The following SNAP91 variants were observed in gnomAD, a reference collection of about 807,000 sequenced individuals.
The protein encoded by SNAP91 is synaptosome associated protein 91.
Under a neutral mutation model 100.3 loss-of-function variants are expected in SNAP91, and 27 were observed. That is an observed-to-expected ratio of 0.27 (90% confidence interval 0.20 to 0.37). The LOEUF is 0.37. SNAP91 is among the 10% of genes least tolerant of loss of function. The pLI is 1.00. For synonymous variants in SNAP91, 404 were observed against 398.6 expected (o/e 1.01, Z -0.16); for missense variants, 986 against 1,123.7 (o/e 0.88, Z 1.75).
intron 21 of SNAP91, 127 bp downstream of exon 21, chr6:83,592,328 G>T: frequency 1.7e-6 from 1 of 578,894 alleles, no homozygotes; most frequent in East Asian, 3.0e-5. Flanking sequence ...AAAAACTTAA[G>T]TTTACATTTA....
intron 22 of SNAP91, 76 bp downstream of exon 22, chr6:83,591,135 T>C (rs2093689191): frequency 6.2e-6 from 6 of 966,170 alleles, no homozygotes; most frequent in Non-Finnish European, 8.1e-6. Context: ...CTGCAATTTA[T>C]GTAATTTTTA....
chr6:83,627,795 C>T (rs1266679915), intron 8 of SNAP91, among the ~76,000 whole-genome samples: 3 of 151,828 alleles, frequency 2.0e-5, no homozygotes, highest in Non-Finnish European at 2.9e-5. Flanking sequence ...TTCGAAGAAC[C>T]AATTTTTATT....
intron 8 of SNAP91, among the ~76,000 whole-genome samples, chr6:83,636,507 T>C (rs1458444607): frequency 1.3e-5 from 2 of 152,258 alleles, no homozygotes; most frequent in Admixed American, 6.5e-5. Context: ...AACTTTTCAA[T>C]TGTAGAAGTT....
chr6:83,651,263 A>G (rs2098192745), intron 7 of SNAP91, among the ~76,000 whole-genome samples: 1 of 151,740 alleles, frequency 6.6e-6, no homozygotes, highest in African/African-American at 2.4e-5. Context: ...TTACGCTCTA[A>G]TTCTTATTAT....
At chr6:83,698,536 G>T (rs1483253258) in intron 2 of SNAP91, among the ~76,000 whole-genome samples, 3 of 151,582 alleles carry the variant, frequency 2.0e-5, no homozygotes, top group South Asian at 2.1e-4. Context: ...TCCTCAAAGG[G>T]TTACTCCCTT....
chr6:83,656,964 T>A, intron 6 of SNAP91, 99 bp from the exon 7 acceptor site: 2 of 599,318 alleles, frequency 3.3e-6, no homozygotes, highest in Non-Finnish European at 5.8e-6. Context: ...AAGAAATTCA[T>A]GAATATTCTA....
chr6:83,697,330 A>ACACACG, intron 2 of SNAP91, among the ~76,000 whole-genome samples: 1 of 125,142 alleles, frequency 8.0e-6, no homozygotes, highest in Non-Finnish European at 1.7e-5. Context: ...AGCTGCACAC[A>ACACACG]CACACACACA....
Position 83,709,094 on chromosome 6 carries a change from C to T in SNAP91, c.-280G>A, listed in dbSNP as rs2099419021. The T allele has an allele frequency of 6.5e-6, 1 of 152,760 alleles. No homozygotes were observed. Among genetic ancestry groups the T allele is most frequent in the South Asian group, 2.1e-4 (1 of 4,862 alleles). 9.5% of individuals were successfully genotyped at this position (152,760 alleles called of 1,614,324 possible). On this transcript the variant is annotated 5_prime_UTR_variant, in exon 1 of 30. Transcript: ENST00000369694. ...GCGCCGCCGCGTCTCTCTAGCGCTC[C>T]GAGCTGCGTCCCCATCCCCGCCCCC...
intron 7 of SNAP91, among the ~76,000 whole-genome samples, chr6:83,654,276 G>C (rs957213756): frequency 6.6e-6 from 1 of 152,126 alleles, no homozygotes; most frequent in African/African-American, 2.4e-5. Context: ...GTATTTGTCT[G>C]TCTCTCCAAT....
At chr6:83,666,645 GA>G (rs1442226832) in intron 2 of SNAP91, among the ~76,000 whole-genome samples, 2 of 152,036 alleles carry the variant, frequency 1.3e-5, no homozygotes, top group Non-Finnish European at 2.9e-5. Context: ...TTCTACCACT[GA>G]AAAATATCTA....
chr6:83,684,489 A>G (rs1360839507), intron 2 of SNAP91, among the ~76,000 whole-genome samples: 1 of 152,120 alleles, frequency 6.6e-6, no homozygotes, highest in Non-Finnish European at 1.5e-5. Flanking sequence ...AATTCATCCT[A>G]GATGCTCATA....
At position 83,573,540 on chromosome 6, in the gene SNAP91, A is replaced by G. The variant is rs1374271794; in HGVS notation, c.2442+1470T>C. 1.3e-4 allele frequency among the ~76,000 whole-genome samples: 20 copies of G among 152,154 alleles called. No individual in the cohort carries two copies. In the East Asian group the frequency reaches 2.5e-3, roughly 19 times the overall value. The stretch of plus-strand genomic sequence containing the variant: ...CAAAGCTGGAGGCATCACACTACCT[A>G]ACTTCAAACTATACTACAAGGCTAC... On this transcript the variant is annotated intron_variant, in intron 26 of 29. Transcript: ENST00000369694.
intron 2 of SNAP91, among the ~76,000 whole-genome samples, chr6:83,684,094 T>C (rs1286860307): frequency 6.6e-6 from 1 of 152,252 alleles, no homozygotes; most frequent in Non-Finnish European, 1.5e-5. Flanking sequence ...AATGCGATTA[T>C]GTCTGATGAA....
chr6:83,626,618 A>G (rs918538225), intron 8 of SNAP91, among the ~76,000 whole-genome samples: 5 of 151,954 alleles, frequency 3.3e-5, no homozygotes, highest in Non-Finnish European at 7.4e-5. Flanking sequence ...TTTTGTGGCT[A>G]TTGTAAATGG....
chr6:83,572,807 T>C (rs1053357917), intron 26 of SNAP91, among the ~76,000 whole-genome samples: 1 of 152,216 alleles, frequency 6.6e-6, no homozygotes, highest in Non-Finnish European at 1.5e-5. Context: ...TCCTTTACTT[T>C]GATAATGATA....
At chr6:83,582,700 TTA>T (rs1386895089) in intron 22 of SNAP91, among the ~76,000 whole-genome samples, 1 of 152,222 alleles carries the variant, frequency 6.6e-6, no homozygotes, top group Non-Finnish European at 1.5e-5. Context: ...CATTGAAATT[TTA>T]TGTTTCTTCA....
chr6:83,679,798 C>T (rs1027855767), intron 2 of SNAP91, among the ~76,000 whole-genome samples: 6 of 152,122 alleles, frequency 3.9e-5, no homozygotes, highest in African/African-American at 1.4e-4. Flanking sequence ...GCTTGGAGAG[C>T]TACCTGGAGA....
At chr6:83,700,621 T>A (rs1025891042) in intron 2 of SNAP91, among the ~76,000 whole-genome samples, 1 of 151,718 alleles carries the variant, frequency 6.6e-6, no homozygotes, top group African/African-American at 2.4e-5. Flanking sequence ...TAGTTTTTTG[T>A]TTTGTTTTGC....
intron 8 of SNAP91, among the ~76,000 whole-genome samples, chr6:83,629,721 T>C (rs1395018990): frequency 6.6e-6 from 1 of 152,014 alleles, no homozygotes; most frequent in Admixed American, 6.6e-5. Flanking sequence ...AGAAAATTTG[T>C]TGCACTCTTT....
Sources: gnomAD v4.1 joint callset for allele counts (sites outside exome capture counted in the v4.1 genomes callset) on GRCh38, gnomAD v4.1.1 for gene constraint, MANE v1.5 for transcripts, NCBI Gene and HGNC (gene_info 2026-07-23, HGNC 2026-07-21) for gene names.